Variants in PI15 observed in about 807,000 individuals in gnomAD.
The protein encoded by PI15 is 25 kDa trypsin inhibitor.
A neutral mutation model predicts 31.0 loss-of-function variants in PI15; 18 were observed. That is an observed-to-expected ratio of 0.58 (90% CI 0.40 to 0.86). The LOEUF (loss-of-function observed/expected upper bound fraction) is 0.86, where lower values mean the gene tolerates loss of function less well. Among genes scored for constraint, PI15 ranks in the 40% least tolerant of loss-of-function variants. PI15 has a pLI of 0.00. For missense variants in PI15, 282 were observed against 328.1 expected (o/e 0.86, Z 1.09); for synonymous variants, 118 against 119.1 (o/e 0.99, Z 0.06).
intron 2 of PI15, among the ~76,000 whole-genome samples, chr8:74,828,523 A>G (rs1018398057): frequency 2.0e-4 from 30 of 152,132 alleles, no homozygotes; most frequent in African/African-American, 7.2e-4. Context: ...TGAATTCTCT[A>G]GGCTATATGG....
rs1162285117 is a variant in PI15 at position 74,854,803 on chromosome 8, C to T, written c.*5550C>T. 2 of 152,040 alleles carry T rather than the reference C, an allele frequency of 1.3e-5. No homozygotes were observed. The highest frequency in any genetic ancestry group is 2.9e-5 in the Non-Finnish European group (2 of 67,992). The allele number at this position is 152,040 out of a possible 1,614,324, so 9.4% of individuals were successfully genotyped here. On this transcript the variant is annotated 3_prime_UTR_variant, in exon 6 of 6. Coordinates refer to ENST00000260113, the MANE Select transcript of PI15 (RefSeq NM_015886.5). ...ATGTCTCACATATTTATATAATCCT[C>T]AAATATACTGTACCATTTTAGATAT...
Position 74,827,457 on chromosome 8 carries a change from A to C in PI15, c.273+1935A>C, listed in dbSNP as rs1049697066. 5.3e-5 allele frequency among the ~76,000 whole-genome samples: 8 copies of C among 152,130 alleles called. No homozygotes were observed. In the East Asian group the frequency reaches 1.5e-3, roughly 29 times the overall value. On this transcript the variant is annotated intron_variant, in intron 2 of 5. Transcript: ENST00000260113. The stretch of plus-strand genomic sequence containing the variant: ...ATTTAATTGCTTCCGTATGCCAAGG[A>C]CTTGACTAATTGTTTCCATAGACGA...
At chr8:74,838,128 T>C (rs1475658305) in intron 2 of PI15, among the ~76,000 whole-genome samples, 1 of 152,076 alleles carries the variant, frequency 6.6e-6, no homozygotes, top group Non-Finnish European at 1.5e-5. Flanking sequence ...TTATTGATAA[T>C]AATACTTTCC....
rs1484078555 is a variant in PI15, at chr8:74,853,047, T to C, written c.*3794T>C. The C allele has an allele frequency of 2.0e-5, 3 of 152,524 alleles. No homozygotes were observed. Among genetic ancestry groups the C allele is most frequent in the Non-Finnish European group, 4.4e-5 (3 of 67,962 alleles). 9.4% of individuals were successfully genotyped at this position (152,524 alleles called of 1,614,324 possible). On this transcript the variant is annotated 3_prime_UTR_variant, in exon 6 of 6. Coordinates refer to ENST00000260113, the MANE Select transcript of PI15 (RefSeq NM_015886.5). ...GAAACGTATAATCACATCCAATTAT[T>C]TGAACACATGCAAAATAATTTTTTA...
At chr8:74,841,274 G>C (rs965081668) in intron 2 of PI15, among the ~76,000 whole-genome samples, 1 of 152,148 alleles carries the variant, frequency 6.6e-6, no homozygotes, top group Admixed American at 6.6e-5. Flanking sequence ...CAGAACTGAG[G>C]AAGTCCCAGG....
intron 2 of PI15, among the ~76,000 whole-genome samples, chr8:74,826,683 T>C (rs1455180035): frequency 6.6e-6 from 1 of 152,118 alleles, no homozygotes; most frequent in Non-Finnish European, 1.5e-5. Context: ...ATGCTTGGGT[T>C]TGAATCCTAG....
rs774377290 is a variant in PI15, at chr8:74,845,464, G to A, written c.608G>A (p.Arg203His). Residue 203 changes from arginine (R) to histidine (H), a missense_variant, in exon 5 of 6, where the codon CGT (arginine) becomes CAT (histidine). By Grantham distance (29) the Arg-to-His change is conservative (BLOSUM62 0). Transcript: ENST00000260113. ...NMNVWGSVWR[R>H]AVYLVCNYAP... ...AATGTTTGGGGATCTGTGTGGCGAC[G>A]TGCAGTTTACTTGGTATGCAACTAT... is the stretch of plus-strand genomic sequence containing the variant. The A allele has an allele frequency of 7.7e-5, 125 of 1,613,226 alleles. 3 individuals are homozygous for A. In the South Asian group the frequency reaches 1.3e-3, roughly 17 times the overall value.
rs542578324 is a variant in PI15 at position 74,850,294 on chromosome 8, A to G, written c.*1041A>G. ...TTGTACAGCTGTGACTTTGGAAAAC[A>G]GAAAGTAAGACCCTCAGAAAACCAA... On this transcript the variant is annotated 3_prime_UTR_variant, in exon 6 of 6. Coordinates refer to ENST00000260113, the MANE Select transcript of PI15 (RefSeq NM_015886.5). 1.3e-5 allele frequency: 2 copies of G among 152,366 alleles called. No homozygotes were observed. The highest frequency in any genetic ancestry group is 1.9e-4 in the East Asian group (1 of 5,188). The allele number at this position is 152,366 out of a possible 1,614,324, so 9.4% of individuals were successfully genotyped here. A position where few individuals can be genotyped will look rare whatever the true frequency, so the allele number is the denominator to read the frequency against.
intron 2 of PI15, 136 bp downstream of exon 2, chr8:74,825,658 C>A: frequency 1.5e-6 from 1 of 678,046 alleles, no homozygotes; most frequent in Non-Finnish European, 2.4e-6. Flanking sequence ...ACCTAAGGTT[C>A]TTATGTGCCT....
rs180744291 is a variant in PI15, at chr8:74,854,708, A to G, written c.*5455A>G. ...ATTTGACAAACAGAATTTTGGTGCC[A>G]TAATATTTTGAGAATTAGAGAAGAT... is the stretch of plus-strand genomic sequence containing the variant. On this transcript the variant is annotated 3_prime_UTR_variant, in exon 6 of 6. Transcript: ENST00000260113. 1 of 152,280 alleles carries G rather than the reference A, an allele frequency of 6.6e-6. No individual in the cohort carries two copies. Among genetic ancestry groups the G allele is most frequent in the Non-Finnish European group, 1.5e-5 (1 of 67,998 alleles). 9.4% of individuals were successfully genotyped at this position (152,280 alleles called of 1,614,324 possible).
chr8:74,828,433 G>A (rs1042722350), intron 2 of PI15, among the ~76,000 whole-genome samples: 7 of 152,056 alleles, frequency 4.6e-5, no homozygotes, highest in African/African-American at 1.2e-4. Context: ...ATCTAAATCC[G>A]TCATGAAGAC....
rs1383803466 is a variant in PI15, at chr8:74,850,462, A to C, written c.*1209A>C. 6.6e-6 allele frequency: 1 copy of C among 152,186 alleles called. No individual in the cohort carries two copies. The highest frequency in any genetic ancestry group is 1.5e-5 in the Non-Finnish European group (1 of 68,020). 9.4% of individuals were successfully genotyped at this position (152,186 alleles called of 1,614,324 possible). A position where few individuals can be genotyped will look rare whatever the true frequency, so the allele number is the denominator to read the frequency against. On this transcript the variant is annotated 3_prime_UTR_variant, in exon 6 of 6. Coordinates refer to ENST00000260113, the MANE Select transcript of PI15 (RefSeq NM_015886.5). ...CTCAGCAGGAGACAAAGGATTCCAAAAAGAGATGTGGAGGTGCTGAGGGCA... is the reference window on the plus strand; with the variant it reads ...CTCAGCAGGAGACAAAGGATTCCAACAAGAGATGTGGAGGTGCTGAGGGCA...
rs965706538 is a variant in PI15, at chr8:74,854,395, T to C, written c.*5142T>C. 6.6e-6 allele frequency: 1 copy of C among 152,090 alleles called. No homozygotes were observed. The highest frequency in any genetic ancestry group is 2.4e-5 in the African/African-American group (1 of 41,440). 9.4% of individuals were successfully genotyped at this position (152,090 alleles called of 1,614,324 possible). Reference sequence around the variant, plus strand: ...ACTCCAACCTGTAGTATACATAAAATGGACTTACTTATTCCTCTCACCTTC... The same window carrying C: ...ACTCCAACCTGTAGTATACATAAAACGGACTTACTTATTCCTCTCACCTTC... On this transcript the variant is annotated 3_prime_UTR_variant, in exon 6 of 6. Transcript: ENST00000260113.
intron 2 of PI15, among the ~76,000 whole-genome samples, chr8:74,830,940 C>T (rs1810773484): frequency 6.6e-6 from 1 of 152,188 alleles, no homozygotes; most frequent in Non-Finnish European, 1.5e-5. Flanking sequence ...CAGAACTCTA[C>T]ATTCCTGCTC....
At chr8:74,842,574 C>T (rs777488764) in intron 2 of PI15, among the ~76,000 whole-genome samples, 8 of 151,932 alleles carry the variant, frequency 5.3e-5, no homozygotes, top group Admixed American at 1.3e-4. Flanking sequence ...TATAAATATT[C>T]TCTATTGTGT....
chr8:74,830,412 T>C (rs1810764697), intron 2 of PI15, among the ~76,000 whole-genome samples: 6 of 152,124 alleles, frequency 3.9e-5, no homozygotes, highest in Admixed American at 3.9e-4. Context: ...AGGTTTCCTA[T>C]CATTTTTGGA....
chr8:74,832,530 T>C (rs939106556), intron 2 of PI15, among the ~76,000 whole-genome samples: 1 of 152,088 alleles, frequency 6.6e-6, no homozygotes, highest in South Asian at 2.1e-4. Flanking sequence ...CCCCCCTCTG[T>C]TTTTTTAATG....
rs1449082369 is a variant in PI15, at chr8:74,854,569, G to A, written c.*5316G>A. 2 of 151,944 alleles carry A rather than the reference G, an allele frequency of 1.3e-5. No homozygotes were observed. The highest frequency in any genetic ancestry group is 2.9e-5 in the Non-Finnish European group (2 of 67,952). The allele number at this position is 151,944 out of a possible 1,614,324, so 9.4% of individuals were successfully genotyped here. A position where few individuals can be genotyped will look rare whatever the true frequency, so the allele number is the denominator to read the frequency against. On this transcript the variant is annotated 3_prime_UTR_variant, in exon 6 of 6. Coordinates refer to ENST00000260113, the MANE Select transcript of PI15 (RefSeq NM_015886.5). Reference sequence around the variant, plus strand: ...TTTGAGGGCCTAAATTATTTCAATGGTTGTTTGAAATATTCAGTTCAGTTT... The same window carrying A: ...TTTGAGGGCCTAAATTATTTCAATGATTGTTTGAAATATTCAGTTCAGTTT...
rs939494095 is a variant in PI15, at chr8:74,853,021, T to G, written c.*3768T>G. ...AAAAATTTGTCATTATTTATGCTGG[T>G]GAAACGTATAATCACATCCAATTAT... is the stretch of plus-strand genomic sequence containing the variant. On this transcript the variant is annotated 3_prime_UTR_variant, in exon 6 of 6. Coordinates refer to ENST00000260113, the MANE Select transcript of PI15 (RefSeq NM_015886.5). 6.6e-6 allele frequency: 1 copy of G among 152,442 alleles called. No individual in the cohort carries two copies. Among genetic ancestry groups the G allele is most frequent in the Non-Finnish European group, 1.5e-5 (1 of 67,960 alleles). 9.4% of individuals were successfully genotyped at this position (152,442 alleles called of 1,614,324 possible).
Sources: gnomAD v4.1 joint callset for allele counts (sites outside exome capture counted in the v4.1 genomes callset) on GRCh38, gnomAD v4.1.1 for gene constraint, MANE v1.5 for transcripts, NCBI Gene and HGNC (gene_info 2026-07-23, HGNC 2026-07-21) for gene names.